FDX1: variants seen among roughly 807,000 people sequenced by gnomAD.
FDX1 encodes ferredoxin 1.
Under a neutral mutation model 14.9 loss-of-function variants are expected in FDX1, and 9 were observed. That is an observed-to-expected ratio of 0.60 (90% confidence interval 0.36 to 1.05). The LOEUF is 1.05. Among genes scored for constraint, FDX1 ranks in the 50% least tolerant of loss-of-function variants. The pLI is 0.01. For missense variants in FDX1, 204 were observed against 237.2 expected (o/e 0.86, Z 0.92); for synonymous variants, 92 against 99.4 (o/e 0.93, Z 0.44).
At chr11:110,449,750 T>C (rs1037716907) in intron 2 of FDX1, among the ~76,000 whole-genome samples, 2 of 152,118 alleles carry the variant, frequency 1.3e-5, no homozygotes. Context: ...GTCTCAGCCT[T>C]CCTAATAGCT....
intron 3 of FDX1, among the ~76,000 whole-genome samples, chr11:110,461,719 A>G (rs1439744763): frequency 2.6e-5 from 4 of 152,180 alleles, no homozygotes; most frequent in African/African-American, 7.2e-5. Flanking sequence ...CATACTTTGC[A>G]TAACTAAGTT....
chr11:110,456,641 G>T (rs1352115819), intron 2 of FDX1, among the ~76,000 whole-genome samples: 6 of 151,316 alleles, frequency 4.0e-5, no homozygotes, highest in Non-Finnish European at 8.8e-5. Flanking sequence ...CTAGTAGCTG[G>T]GACTACAAGT....
At chr11:110,444,776 C>T (rs1037528280) in intron 2 of FDX1, among the ~76,000 whole-genome samples, 2 of 119,300 alleles carry the variant, frequency 1.7e-5, no homozygotes, top group Non-Finnish European at 3.4e-5. Context: ...ATTTGCAGAA[C>T]AACCTCTGAG....
In FDX1 at chr11:110,439,409, A is replaced by G. The variant is rs190837739; in HGVS notation, c.310+3451A>G. ...ATTTTTAGTAGAGATGGGGTTTCCC[A>G]TGTTGGCCAGGCTAGTCTCGAACTC... is the stretch of plus-strand genomic sequence containing the variant. On this transcript the variant is annotated intron_variant, in intron 2 of 3. Transcript: ENST00000260270. Among the ~76,000 whole-genome samples the G allele has an allele frequency of 1.6e-3, 239 of 152,020 alleles. 1 individual carries two copies. The highest frequency in any genetic ancestry group is 2.7e-3 in the Non-Finnish European group (181 of 67,978).
At chr11:110,449,367 A>G (rs1000278190) in intron 2 of FDX1, among the ~76,000 whole-genome samples, 1 of 152,212 alleles carries the variant, frequency 6.6e-6, no homozygotes, top group Non-Finnish European at 1.5e-5. Context: ...TCAGGTTATT[A>G]TCTGTGCTAA....
Position 110,462,280 on chromosome 11 carries a change from A to G in FDX1, c.441-74A>G, listed in dbSNP as rs1385620387. 2.8e-5 allele frequency: 22 copies of G among 776,524 alleles called. 1 individual carries two copies. The highest frequency in any genetic ancestry group is 2.4e-4 in the South Asian group (11 of 46,738). The allele number at this position is 776,524 out of a possible 1,614,324, so 48.1% of individuals were successfully genotyped here. A position where few individuals can be genotyped will look rare whatever the true frequency, so the allele number is the denominator to read the frequency against. On this transcript the variant is annotated intron_variant, in intron 3 of 3. Coordinates refer to ENST00000260270, the MANE Select transcript of FDX1 (RefSeq NM_004109.5). ...CTTTGGGTAAGAAAATATAAAGACT[A>G]TCTTAAACAACTGCATTGCCTTGTG... is the stretch of plus-strand genomic sequence containing the variant.
upstream of FDX1, among the ~76,000 whole-genome samples, chr11:110,429,564 T>C (rs1052175702): frequency 1.3e-5 from 2 of 152,202 alleles, no homozygotes; most frequent in Non-Finnish European, 2.9e-5. Context: ...AATTATTTCT[T>C]TGTATAATAG....
At chr11:110,455,579 A>C (rs936201629) in intron 2 of FDX1, among the ~76,000 whole-genome samples, 3 of 152,198 alleles carry the variant, frequency 2.0e-5, no homozygotes, top group Non-Finnish European at 4.4e-5. Context: ...ATTTAAGCAG[A>C]CTGTGATTCT....
rs536004136 is a variant in FDX1 at position 110,443,736 on chromosome 11, G to A, written c.310+7778G>A. Among the ~76,000 whole-genome samples the A allele has an allele frequency of 2.6e-5, 4 of 152,086 alleles. No homozygotes were observed. In the South Asian group the frequency reaches 6.2e-4, roughly 24 times the overall value. On this transcript the variant is annotated intron_variant, in intron 2 of 3. Transcript: ENST00000260270. Reference sequence around the variant, plus strand: ...TAGAATTACAGGTGTGAGCCACTACGCCTTGGCCAACAGCTAATGCCCTTT... The same window carrying A: ...TAGAATTACAGGTGTGAGCCACTACACCTTGGCCAACAGCTAATGCCCTTT...
chr11:110,434,620 A>G (rs1473822485), intron 1 of FDX1, among the ~76,000 whole-genome samples: 1 of 151,494 alleles, frequency 6.6e-6, no homozygotes, highest in Admixed American at 6.6e-5. Context: ...GGCGTGAGTC[A>G]CCATGCTCGG....
chr11:110,431,101 T>TAGCAGCAGCAGCAGCAGCAGCAGCAGC (rs35673502), intron 1 of FDX1, among the ~76,000 whole-genome samples: 1 of 151,110 alleles, frequency 6.6e-6, no homozygotes, highest in African/African-American at 2.4e-5. Flanking sequence ...TGCCACTTGG[T>TAGCAGCAGCAGCAGCAGCAGCAGCAGC]AGCAGCAGCA....
chr11:110,458,025 G>C (rs965872037), intron 3 of FDX1, among the ~76,000 whole-genome samples: 5 of 152,122 alleles, frequency 3.3e-5, no homozygotes, highest in Admixed American at 3.3e-4. Context: ...CACATCTTCA[G>C]TGCCGTGTTC....
intron 2 of FDX1, among the ~76,000 whole-genome samples, chr11:110,453,944 T>C (rs1002252326): frequency 1.3e-5 from 2 of 152,204 alleles, no homozygotes; most frequent in African/African-American, 4.8e-5. Context: ...TATTTGAACT[T>C]CTTCCTAGTA....
chr11:110,443,908 A>T, intron 2 of FDX1, among the ~76,000 whole-genome samples: 1 of 150,766 alleles, frequency 6.6e-6, no homozygotes, highest in Non-Finnish European at 1.5e-5. Context: ...CTATTTTTTT[A>T]ATGAGGTTGT....
At chr11:110,447,066 T>G (rs1000645138) in intron 2 of FDX1, among the ~76,000 whole-genome samples, 1 of 150,806 alleles carries the variant, frequency 6.6e-6, no homozygotes, top group Non-Finnish European at 1.5e-5. Context: ...TTTCAGCTAC[T>G]TGGGGAGGCC....
In FDX1 at chr11:110,462,382, A is replaced by G; in HGVS notation, c.469A>G (p.Thr157Ala). ...RSRLGCQICL[T>A]KSMDNMTVRV... The stretch of plus-strand genomic sequence containing the variant: ...ACGGTTGGGCTGCCAAATCTGTTTG[A>G]CAAAATCTATGGACAATATGACTGT... Residue 157 changes from threonine (T) to alanine (A), a missense_variant, in exon 4 of 4, where the codon ACA becomes GCA. By Grantham distance (58) the Thr-to-Ala change is moderately conservative. Coordinates refer to ENST00000260270, the MANE Select transcript of FDX1 (RefSeq NM_004109.5). 2 of 1,611,702 alleles carry G rather than the reference A, an allele frequency of 1.2e-6. No individual in the cohort carries two copies. The highest frequency in any genetic ancestry group is 1.7e-6 in the Non-Finnish European group (2 of 1,178,084).
At chr11:110,443,663 C>T (rs1031741036) in intron 2 of FDX1, among the ~76,000 whole-genome samples, 2 of 152,054 alleles carry the variant, frequency 1.3e-5, no homozygotes, top group African/African-American at 4.8e-5. Flanking sequence ...AGGCTGGTTT[C>T]GAACTCCTGA....
At chr11:110,449,693 T>C (rs1303477466) in intron 2 of FDX1, among the ~76,000 whole-genome samples, 1 of 152,180 alleles carries the variant, frequency 6.6e-6, no homozygotes, top group Non-Finnish European at 1.5e-5. Flanking sequence ...AGTGGCATGA[T>C]GTTGGCTCAC....
At chr11:110,453,384 A>G (rs1280707179) in intron 2 of FDX1, among the ~76,000 whole-genome samples, 1 of 152,032 alleles carries the variant, frequency 6.6e-6, no homozygotes, top group Non-Finnish European at 1.5e-5. Flanking sequence ...AGAACTGAAC[A>G]CTGAAAGAGA....
Sources: allele counts gnomAD v4.1 joint callset (sites outside exome capture counted in the v4.1 genomes callset), GRCh38; gene constraint gnomAD v4.1.1; transcripts MANE v1.5; gene names NCBI Gene and HGNC (gene_info 2026-07-23, HGNC 2026-07-21).